NUP205: variants seen among roughly 807,000 people sequenced by gnomAD.
The protein encoded by NUP205 is nuclear pore complex protein Nup205.
Under a neutral mutation model 253.8 loss-of-function variants are expected in NUP205, and 76 were observed. The ratio of observed to expected loss-of-function variants is 0.30; its 90% CI spans 0.25 to 0.36. NUP205 has a LOEUF of 0.36. NUP205 is among the 10% of genes least tolerant of loss of function. The pLI, the probability that NUP205 is intolerant of heterozygous loss-of-function variation, is 1.00. For synonymous variants in NUP205, 832 were observed against 850.1 expected (o/e 0.98, Z 0.37); for missense variants, 2,162 against 2,425.5 (o/e 0.89, Z 2.28).
intron 1 of NUP205, among the ~76,000 whole-genome samples, chr7:135,564,916 G>A (rs187987819): frequency 4.6e-5 from 7 of 151,880 alleles, no homozygotes; most frequent in East Asian, 2.0e-4. Context: ...ACAGGTGCAC[G>A]CCACCATGCC....
intron 13 of NUP205, 139 bp from the exon 14 acceptor site, chr7:135,597,229 C>T: frequency 1.7e-6 from 1 of 576,148 alleles, no homozygotes. Flanking sequence ...CATCCAGGGA[C>T]TAATTGATTG....
chr7:135,617,395 C>A, intron 26 of NUP205, 148 bp downstream of exon 26: 1 of 848,058 alleles, frequency 1.2e-6, no homozygotes, highest in Non-Finnish European at 1.8e-6. Context: ...TGTAAAATAT[C>A]CCTGAAATAA....
At chr7:135,616,955 A>G (rs1312812550) in intron 25 of NUP205, 135 bp from the exon 26 acceptor site, 5 of 682,982 alleles carry the variant, frequency 7.3e-6, no homozygotes, top group Non-Finnish European at 1.2e-5. Context: ...TTAGATTCCA[A>G]TACAGTTTTC....
chr7:135,600,997 AGTT>A lies in NUP205; in HGVS notation c.2374+31_2374+33del, dbSNP rs1348996136. ...AATTTAATTCTGTCACTTTCAAACA[AGTT>A]GTCAACTATTTATAATTTATAAATT... On this transcript the variant is annotated intron_variant, in intron 16 of 42. Transcript: ENST00000285968. 9 of 1,203,360 alleles carry A rather than the reference AGTT, an allele frequency of 7.5e-6. No homozygotes were observed. The African/African-American group carries it at 1.3e-4, about 18-fold the overall frequency. The allele number at this position is 1,203,360 out of a possible 1,614,324, so 74.5% of individuals were successfully genotyped here. A position where few individuals can be genotyped will look rare whatever the true frequency, so the allele number is the denominator to read the frequency against.
rs1249677315 is a variant in NUP205, at chr7:135,573,728, A to G, written c.246A>G (p.Gly82=). The change falls in exon 3 of 43, where the codon GGA becomes GGG. Residue 82 remains glycine (G), a synonymous_variant. Coordinates refer to ENST00000285968, the MANE Select transcript of NUP205 (RefSeq NM_015135.3). ...TEGVAIQGQQ[G]TRLLPEQLIK... ...GAGTCGCCATTCAGGGTCAACAGGG[A>G]ACTCGACTTCTTCCTGAACAGCTCA... The G allele has an allele frequency of 6.2e-7, 1 of 1,613,858 alleles. No homozygotes were observed. Among genetic ancestry groups the G allele is most frequent in the East Asian group, 2.2e-5 (1 of 44,884 alleles).
chr7:135,608,236 G>A (rs1032864810), intron 22 of NUP205, among the ~76,000 whole-genome samples: 1 of 152,006 alleles, frequency 6.6e-6, no homozygotes, highest in Admixed American at 6.6e-5. Flanking sequence ...ATGTTGGCCA[G>A]GATGGTCTCA....
intron 3 of NUP205, among the ~76,000 whole-genome samples, chr7:135,574,114 A>G (rs757795247): frequency 2.0e-5 from 3 of 152,276 alleles, no homozygotes; most frequent in Non-Finnish European, 4.4e-5. Flanking sequence ...TTGAGATTAC[A>G]GGCATGTGCC....
chr7:135,610,218 G>T (rs960053261), intron 22 of NUP205, among the ~76,000 whole-genome samples: 2 of 152,122 alleles, frequency 1.3e-5, no homozygotes, highest in Non-Finnish European at 2.9e-5. Context: ...CATACTCTCT[G>T]TTGTCGTTGT....
At chr7:135,639,690 CA>C (rs34071969) in intron 38 of NUP205, among the ~76,000 whole-genome samples, 26,545 of 106,504 alleles carry the variant, frequency 0.25, 2,287 homozygotes, top group Middle Eastern at 0.29. Context: ...GACTTTGTCT[CA>C]AAAAAAAAAA....
rs1261816871 is a variant in NUP205 at position 135,597,358 on chromosome 7, C to A, written c.2014-10C>A. On this transcript the variant is annotated splice_polypyrimidine_tract_variant and intron_variant, in intron 13 of 42. Transcript: ENST00000285968. Reference sequence around the variant, plus strand: ...GAATGCTCCTGACATCTACTTCTTACTATTTTAAGATACTGCAGACCGTGA... The same window carrying A: ...GAATGCTCCTGACATCTACTTCTTAATATTTTAAGATACTGCAGACCGTGA... 6.2e-7 allele frequency: 1 copy of A among 1,602,268 alleles called. No homozygotes were observed. The highest frequency in any genetic ancestry group is 1.7e-5 in the Admixed American group (1 of 59,934).
intron 33 of NUP205, among the ~76,000 whole-genome samples, chr7:135,627,037 G>A (rs950087104): frequency 6.6e-6 from 1 of 152,022 alleles, no homozygotes; most frequent in Non-Finnish European, 1.5e-5. Flanking sequence ...TTAGTATTGC[G>A]GTCTAAAGTT....
chr7:135,576,657 T>C (rs76272222), intron 4 of NUP205, among the ~76,000 whole-genome samples: 5,168 of 152,246 alleles, frequency 0.034, 118 homozygotes, highest in Middle Eastern at 0.1. Flanking sequence ...GATTACAGAT[T>C]ACAGTCTTGA....
chr7:135,638,239 G>C (rs998200276), intron 37 of NUP205, among the ~76,000 whole-genome samples, 180 bp downstream of exon 37: 2 of 152,054 alleles, frequency 1.3e-5, no homozygotes, highest in Non-Finnish European at 2.9e-5. Context: ...GTGAAACCTT[G>C]TGTGTACTAA....
chr7:135,572,998 C>T (rs1272125132), intron 2 of NUP205, among the ~76,000 whole-genome samples: 2 of 150,104 alleles, frequency 1.3e-5, no homozygotes, highest in African/African-American at 4.9e-5. Flanking sequence ...TAGAAAGAAC[C>T]CCAGCCTGGG....
At chr7:135,580,846 C>T (rs1447460422) in intron 7 of NUP205, among the ~76,000 whole-genome samples, 2 of 151,956 alleles carry the variant, frequency 1.3e-5, no homozygotes, top group African/African-American at 4.8e-5. Flanking sequence ...CAATCTTATG[C>T]TATAATTGCC....
intron 30 of NUP205, among the ~76,000 whole-genome samples, chr7:135,620,521 T>C (rs1327178668): frequency 6.6e-6 from 1 of 152,200 alleles, no homozygotes; most frequent in African/African-American, 2.4e-5. Flanking sequence ...AGTGAAACTC[T>C]GTCTCAAAAA....
At position 135,573,694 on chromosome 7, in the gene NUP205, G is replaced by A. The variant is rs1377436466; in HGVS notation, c.212G>A (p.Ser71Asn). 1.2e-6 allele frequency: 2 copies of A among 1,613,934 alleles called. No individual in the cohort carries two copies. The highest frequency in any genetic ancestry group is 2.2e-5 in the South Asian group (2 of 91,040). Residue 71 changes from serine to asparagine, a missense_variant, in exon 3 of 43, where the codon AGT becomes AAT. Physicochemically the swap from Ser to Asn is conservative, Grantham distance 46. Around this residue, in one of 5 missense-constraint regions of NUP205, gnomAD observed 109 missense variants for 131.8 expected, o/e 0.83. Coordinates refer to ENST00000285968, the MANE Select transcript of NUP205 (RefSeq NM_015135.3). ...CAGCATGAGAAGGTTCAGAAAGCCA[G>A]TACAGAGGGAGTCGCCATTCAGGGT... ...VQQHEKVQKA[S>N]TEGVAIQGQQ...
At chr7:135,594,350 G>GT (rs1039702461) in intron 12 of NUP205, among the ~76,000 whole-genome samples, 197 bp from the exon 13 acceptor site, 3 of 152,024 alleles carry the variant, frequency 2.0e-5, no homozygotes, top group Admixed American at 6.6e-5. Flanking sequence ...ATCTCCTCCA[G>GT]TTTTTTACTT....
intron 1 of NUP205, among the ~76,000 whole-genome samples, chr7:135,566,739 G>A (rs898054318): frequency 4.6e-5 from 7 of 151,228 alleles, no homozygotes; most frequent in South Asian, 4.2e-4. Flanking sequence ...TTGTTTTTTC[G>A]TTTTGTTTTG....
Sources: allele counts gnomAD v4.1 joint callset (sites outside exome capture counted in the v4.1 genomes callset), GRCh38; gene constraint gnomAD v4.1.1; regional missense constraint gnomAD v4.1.1; transcripts MANE v1.5; gene names NCBI Gene and HGNC (gene_info 2026-07-23, HGNC 2026-07-21).